Variants in SORL1 observed in about 807,000 individuals in gnomAD.
SORL1 encodes sortilin related receptor 1.
SORL1 carries 127 observed loss-of-function variants against 273.7 expected under a neutral mutation model. That is an observed-to-expected ratio of 0.46 (90% CI 0.40 to 0.54). The LOEUF is 0.54. Among genes scored for constraint, SORL1 ranks in the 20% least tolerant of loss-of-function variants. SORL1 has a pLI of 0.00. For synonymous variants in SORL1, 1,031 were observed against 1,067.4 expected, an observed-to-expected ratio of 0.97 and a Z score of 0.66; for missense variants, 2,494 against 2,846.1, an observed-to-expected ratio of 0.88 and a Z score of 2.81.
chr11:121,501,674 C>T (rs1176431039), intron 6 of SORL1, among the ~76,000 whole-genome samples: 3 of 152,106 alleles, frequency 2.0e-5, no homozygotes, highest in Non-Finnish European at 2.9e-5. Flanking sequence ...TTTATAAAAC[C>T]ATCAGATTTT....
chr11:121,526,729 T>G (rs11512475), intron 11 of SORL1, among the ~76,000 whole-genome samples: 1 of 152,170 alleles, frequency 6.6e-6, no homozygotes. Flanking sequence ...TGGAATTTTA[T>G]TTTCTAATTT....
intron 27 of SORL1, among the ~76,000 whole-genome samples, chr11:121,587,673 C>T (rs1863137570): frequency 6.6e-6 from 1 of 152,176 alleles, no homozygotes; most frequent in Admixed American, 6.5e-5. Context: ...ATCTATTAAT[C>T]ATGCTTGAGA....
At chr11:121,503,992 C>T (rs1861751672) in intron 6 of SORL1, among the ~76,000 whole-genome samples, 1 of 152,216 alleles carries the variant, frequency 6.6e-6, no homozygotes, top group African/African-American at 2.4e-5. Flanking sequence ...AGAGTGTTAT[C>T]ATCTTAATAT....
chr11:121,542,207 A>G (rs1405529725), intron 12 of SORL1, among the ~76,000 whole-genome samples: 1 of 152,214 alleles, frequency 6.6e-6, no homozygotes, highest in Admixed American at 6.5e-5. Flanking sequence ...TCACAATGCC[A>G]TTCTCACACC....
At chr11:121,576,616 T>C in intron 24 of SORL1, 1 of 540,520 alleles carries the variant, frequency 1.9e-6, no homozygotes, top group Non-Finnish European at 3.2e-6. Flanking sequence ...TAGCATTCTG[T>C]CTTCATGATC....
rs923262662 is a variant in SORL1, at chr11:121,632,946, A to G, written c.*3383A>G. ...ACATAACTAAACTGAATATCATCCCATATTGATTTTAGGAATTGACTCTAA... is the reference window on the plus strand; with the variant it reads ...ACATAACTAAACTGAATATCATCCCGTATTGATTTTAGGAATTGACTCTAA... On this transcript the variant is annotated 3_prime_UTR_variant, in exon 48 of 48. Coordinates refer to ENST00000260197, the MANE Select transcript of SORL1 (RefSeq NM_003105.6). 6.6e-6 allele frequency: 1 copy of G among 152,146 alleles called. No homozygotes were observed. The highest frequency in any genetic ancestry group is 1.5e-5 in the Non-Finnish European group (1 of 68,022). 9.4% of individuals were successfully genotyped at this position (152,146 alleles called of 1,614,324 possible). A position where few individuals can be genotyped will look rare whatever the true frequency, so the allele number is the denominator to read the frequency against.
At position 121,571,949 on chromosome 11, in the gene SORL1, G is replaced by A. The variant is rs563705229; in HGVS notation, c.3337+1679G>A. Among the ~76,000 whole-genome samples, 6 of 152,332 alleles carry A rather than the reference G, an allele frequency of 3.9e-5. No individual in the cohort carries two copies. The East Asian group carries it at 7.7e-4, about 20-fold the overall frequency. On this transcript the variant is annotated intron_variant, in intron 23 of 47. Coordinates refer to ENST00000260197, the MANE Select transcript of SORL1 (RefSeq NM_003105.6). ...AAGGTGTGATATTTGTGGGGGAATA[G>A]CCAAAGCTCTTTAAAAACATTAATG...
chr11:121,540,695 C>A (rs1862335509), intron 12 of SORL1, among the ~76,000 whole-genome samples: 1 of 152,098 alleles, frequency 6.6e-6, no homozygotes, highest in Non-Finnish European at 1.5e-5. Context: ...CTGAAGAGCA[C>A]CATTTTCTAA....
intron 1 of SORL1, among the ~76,000 whole-genome samples, chr11:121,465,285 A>G (rs1303674349): frequency 6.6e-6 from 1 of 152,206 alleles, no homozygotes; most frequent in Non-Finnish European, 1.5e-5. Context: ...GACCTTTTGT[A>G]TCTGGCTTCT....
chr11:121,488,360 T>C (rs1050368780), intron 4 of SORL1, among the ~76,000 whole-genome samples, 167 bp downstream of exon 4: 1 of 152,032 alleles, frequency 6.6e-6, no homozygotes, highest in Non-Finnish European at 1.5e-5. Flanking sequence ...AAGAAAAATA[T>C]CTCCTCCTGG....
At chr11:121,600,311 T>C (rs1027373076) in intron 32 of SORL1, among the ~76,000 whole-genome samples, 7 of 152,182 alleles carry the variant, frequency 4.6e-5, no homozygotes, top group African/African-American at 1.7e-4. Flanking sequence ...TTGAAAGCCA[T>C]GTTGAAAGTT....
rs1256677158 is a variant in SORL1 at position 121,574,304 on chromosome 11, T to C, written c.3401T>C (p.Leu1134Pro). The C allele has an allele frequency of 1.2e-6, 2 of 1,613,606 alleles. No homozygotes were observed. The highest frequency in any genetic ancestry group is 8.5e-7 in the Non-Finnish European group (1 of 1,179,488). Residue 1134 changes from leucine to proline, a missense_variant, in exon 24 of 48, where the codon CTG (leucine) becomes CCG (proline). By Grantham distance (98) the Leu-to-Pro change is moderately conservative (BLOSUM62 -3). This residue lies in a region of SORL1 where 1,609 missense variants were observed against 1,816.4 expected (regional missense o/e 0.89). Coordinates refer to ENST00000260197, the MANE Select transcript of SORL1 (RefSeq NM_003105.6). The part of the protein sequence containing the change: ...RCQESGTCIP[L>P]SYKCDLEDDC... ...CAGGAGTCTGGGACTTGTATCCCACTGTCCTATAAATGTGACCTTGAGGAT... is the reference window on the plus strand; with the variant it reads ...CAGGAGTCTGGGACTTGTATCCCACCGTCCTATAAATGTGACCTTGAGGAT...
intron 12 of SORL1, among the ~76,000 whole-genome samples, chr11:121,539,850 A>T (rs1332799605): frequency 6.6e-6 from 1 of 152,152 alleles, no homozygotes; most frequent in South Asian, 2.1e-4. Context: ...GTTTTTTTAA[A>T]TTGATACATA....
At chr11:121,500,535 T>A (rs1861694965) in intron 6 of SORL1, among the ~76,000 whole-genome samples, 1 of 152,194 alleles carries the variant, frequency 6.6e-6, no homozygotes, top group African/African-American at 2.4e-5. Context: ...TGGTCTAAGG[T>A]TGCTTTCATG....
intron 11 of SORL1, among the ~76,000 whole-genome samples, chr11:121,532,102 T>A (rs1862210507): frequency 6.6e-6 from 1 of 152,248 alleles, no homozygotes; most frequent in Non-Finnish European, 1.5e-5. Context: ...GGGCTAATAC[T>A]GTCATAGTAG....
intron 22 of SORL1, among the ~76,000 whole-genome samples, chr11:121,569,551 A>G (rs905311337): frequency 2.0e-5 from 3 of 152,164 alleles, no homozygotes; most frequent in South Asian, 2.1e-4. Flanking sequence ...AGCTGTAGGG[A>G]TGAAATAAAC....
intron 40 of SORL1, among the ~76,000 whole-genome samples, chr11:121,613,210 A>T (rs1863592464): frequency 6.6e-6 from 1 of 152,314 alleles, no homozygotes; most frequent in South Asian, 2.1e-4. Context: ...CCCGTTGCTA[A>T]TGAGAGACAG....
chr11:121,623,598 G>A (rs970987211), intron 45 of SORL1, among the ~76,000 whole-genome samples: 6 of 152,104 alleles, frequency 3.9e-5, no homozygotes, highest in African/African-American at 9.7e-5. Context: ...ACAAATGATC[G>A]ACACCAGATA....
At chr11:121,512,966 G>T in intron 6 of SORL1, 37 bp from the exon 7 acceptor site, 2 of 1,365,998 alleles carry the variant, frequency 1.5e-6, no homozygotes, top group Middle Eastern at 1.8e-4. Context: ...ACTGTAATGT[G>T]GCACCATTAA....
Sources: allele counts gnomAD v4.1 joint callset (sites outside exome capture counted in the v4.1 genomes callset), GRCh38; gene constraint gnomAD v4.1.1; regional missense constraint gnomAD v4.1.1; transcripts MANE v1.5; gene names NCBI Gene and HGNC (gene_info 2026-07-23, HGNC 2026-07-21).